The following DOK6 variants were observed in gnomAD, a reference collection of about 807,000 sequenced individuals.
DOK6 encodes downstream of tyrosine kinase 6.
Under a neutral mutation model 44.0 loss-of-function variants are expected in DOK6, and 22 were observed. The observed-to-expected ratio is 0.50, with a 90% CI of 0.36 to 0.71. The LOEUF (loss-of-function observed/expected upper bound fraction) is 0.71. DOK6 is among the 30% of genes least tolerant of loss of function. DOK6 has a pLI of 0.00. For missense variants in DOK6, 340 were observed against 416.4 expected, an observed-to-expected ratio of 0.82 and a Z score of 1.60; for synonymous variants, 166 against 145.5, an observed-to-expected ratio of 1.14 and a Z score of -1.01.
chr18:69,704,036 A>T (rs1299986061), intron 5 of DOK6, among the ~76,000 whole-genome samples: 1 of 152,148 alleles, frequency 6.6e-6, no homozygotes, highest in Non-Finnish European at 1.5e-5. Flanking sequence ...CCAGAACCCA[A>T]CCATGCTGGC....
chr18:69,502,266 C>T (rs1035986775), intron 1 of DOK6, among the ~76,000 whole-genome samples: 5 of 151,802 alleles, frequency 3.3e-5, no homozygotes, highest in Non-Finnish European at 5.9e-5. Context: ...AAAAATTTAG[C>T]GGAATATATT....
chr18:69,536,875 T>TGA (rs1982136025), intron 1 of DOK6, among the ~76,000 whole-genome samples: 1 of 151,882 alleles, frequency 6.6e-6, no homozygotes. Context: ...GGTTAGTGAC[T>TGA]GAAAGAACAA....
At chr18:69,683,754 A>G (rs1986091899) in intron 4 of DOK6, among the ~76,000 whole-genome samples, 1 of 152,240 alleles carries the variant, frequency 6.6e-6, no homozygotes, top group Admixed American at 6.5e-5. Context: ...AAGCCAACCA[A>G]TTGTTGGTAC....
chr18:69,478,081 T>C (rs1980316922), intron 1 of DOK6, among the ~76,000 whole-genome samples: 1 of 152,226 alleles, frequency 6.6e-6, no homozygotes, highest in Non-Finnish European at 1.5e-5. Context: ...AGTATTAATG[T>C]TCATTGCATT....
At chr18:69,601,406 T>C (rs976731328) in intron 3 of DOK6, among the ~76,000 whole-genome samples, 4 of 152,188 alleles carry the variant, frequency 2.6e-5, no homozygotes, top group Non-Finnish European at 5.9e-5. Flanking sequence ...TCGATATTGA[T>C]CTATTAATTC....
chr18:69,635,065 A>G (rs367995986), intron 3 of DOK6, among the ~76,000 whole-genome samples: 1 of 152,186 alleles, frequency 6.6e-6, no homozygotes, highest in Non-Finnish European at 1.5e-5. Flanking sequence ...GGTGGGCTCC[A>G]GTTGACACAA....
Position 69,542,965 on chromosome 18 carries a change from C to T in DOK6, c.67-21522C>T, listed in dbSNP as rs553521591. On this transcript the variant is annotated intron_variant, in intron 1 of 7. Coordinates refer to ENST00000382713, the MANE Select transcript of DOK6 (RefSeq NM_152721.6). ...ATTATTGCAGTCGATTTGTCTTCTT[C>T]TAATGAAAGGATAGAAAGATTGTCC... Among the ~76,000 whole-genome samples the T allele has an allele frequency of 2.6e-5, 4 of 151,526 alleles. No individual in the cohort carries two copies. The South Asian group carries it at 8.4e-4, about 32-fold the overall frequency.
chr18:69,498,217 A>C (rs1980948442), intron 1 of DOK6, among the ~76,000 whole-genome samples: 1 of 152,194 alleles, frequency 6.6e-6, no homozygotes. Flanking sequence ...TTTCATTCCA[A>C]TTAATGAAAT....
At position 69,640,297 on chromosome 18, in the gene DOK6, A is replaced by G. The variant is rs113876300; in HGVS notation, c.290-37437A>G. ...AAATACATCTCAAAGAGAATCTCAC[A>G]GTCCTCAAAATCTCTTAAAATTTCC... On this transcript the variant is annotated intron_variant, in intron 3 of 7. Coordinates refer to ENST00000382713, the MANE Select transcript of DOK6 (RefSeq NM_152721.6). 6.2e-3 allele frequency among the ~76,000 whole-genome samples: 940 copies of G among 152,306 alleles called. 5 individuals carry two copies. The highest frequency in any genetic ancestry group is 9.5e-3 in the Non-Finnish European group (645 of 68,026).
chr18:69,775,049 T>C (rs940702976), intron 7 of DOK6, among the ~76,000 whole-genome samples: 7 of 150,624 alleles, frequency 4.6e-5, no homozygotes, highest in African/African-American at 1.5e-4. Flanking sequence ...CAGGAAGTGA[T>C]GAAATGAAAT....
chr18:69,489,590 C>G (rs577059585), intron 1 of DOK6, among the ~76,000 whole-genome samples: 23 of 152,240 alleles, frequency 1.5e-4, no homozygotes, highest in African/African-American at 5.1e-4. Context: ...CAGAAATTTG[C>G]CTGGCTTCCC....
intron 1 of DOK6, among the ~76,000 whole-genome samples, chr18:69,499,015 C>A (rs1442679): frequency 0.45 from 68,684 of 151,928 alleles, 15,935 homozygotes; most frequent in African/African-American, 0.49. Flanking sequence ...TTCTCAACTG[C>A]GTCACTTTGA....
At chr18:69,736,534 A>G (rs1978613614) in intron 5 of DOK6, among the ~76,000 whole-genome samples, 1 of 152,202 alleles carries the variant, frequency 6.6e-6, no homozygotes, top group Non-Finnish European at 1.5e-5. Context: ...ACAAACATCA[A>G]TAGAATTCTA....
At position 69,617,046 on chromosome 18, in the gene DOK6, G is replaced by C. The variant is rs569724117; in HGVS notation, c.289+17548G>C. Among the ~76,000 whole-genome samples, 5 of 152,084 alleles carry C rather than the reference G, an allele frequency of 3.3e-5. No individual in the cohort carries two copies. The East Asian group carries it at 7.7e-4, about 23-fold the overall frequency. On this transcript the variant is annotated intron_variant, in intron 3 of 7. Coordinates refer to ENST00000382713, the MANE Select transcript of DOK6 (RefSeq NM_152721.6). ...CAGTAGTACAATAGATCTCAGGACT[G>C]AGTTTACTTTTTGCCAACTTGTCCC...
chr18:69,524,625 G>T (rs1443054413), intron 1 of DOK6, among the ~76,000 whole-genome samples: 3 of 151,788 alleles, frequency 2.0e-5, no homozygotes, highest in Admixed American at 6.6e-5. Flanking sequence ...AGACCATTCC[G>T]AACATTAGTT....
At chr18:69,528,951 C>G (rs77573416) in intron 1 of DOK6, among the ~76,000 whole-genome samples, 4,578 of 152,226 alleles carry the variant, frequency 0.03, 82 homozygotes, top group Middle Eastern at 0.048. Flanking sequence ...ATCAAGAACT[C>G]CATAAATCAC....
chr18:69,654,012 A>G (rs1237083389), intron 3 of DOK6, among the ~76,000 whole-genome samples: 1 of 152,200 alleles, frequency 6.6e-6, no homozygotes, highest in Non-Finnish European at 1.5e-5. Context: ...GGAAAACTTC[A>G]GAGAATTGAG....
intron 7 of DOK6, among the ~76,000 whole-genome samples, chr18:69,784,804 T>C (rs560298790): frequency 1.3e-5 from 2 of 152,300 alleles, no homozygotes; most frequent in Middle Eastern, 6.8e-3. Flanking sequence ...GAGAGATTCA[T>C]CAGATTTTCC....
chr18:69,432,272 G>T (rs1427823866), intron 1 of DOK6, among the ~76,000 whole-genome samples: 1 of 152,060 alleles, frequency 6.6e-6, no homozygotes, highest in African/African-American at 2.4e-5. Flanking sequence ...GCAAGAACCT[G>T]TCTCTACAAA....
Sources: gnomAD v4.1 joint callset for allele counts (sites outside exome capture counted in the v4.1 genomes callset) on GRCh38, gnomAD v4.1.1 for gene constraint, MANE v1.5 for transcripts, NCBI Gene and HGNC (gene_info 2026-07-23, HGNC 2026-07-21) for gene names.